Variants in LRRC8B observed in about 807,000 individuals in gnomAD.
LRRC8B encodes volume-regulated anion channel subunit LRRC8B.
Under a neutral mutation model 58.8 loss-of-function variants are expected in LRRC8B, and 23 were observed. The ratio of observed to expected loss-of-function variants is 0.39; its 90% CI spans 0.28 to 0.55. The LOEUF is 0.55. LRRC8B is among the 20% of genes least tolerant of loss of function. The pLI, the probability that LRRC8B is intolerant of heterozygous loss-of-function variation, is 0.62. For missense variants in LRRC8B, 694 were observed against 936.0 expected, an observed-to-expected ratio of 0.74 and a Z score of 3.37; for synonymous variants, 359 against 374.1, an observed-to-expected ratio of 0.96 and a Z score of 0.47.
chr1:89,529,193 A>G (rs747820160), intron 1 of LRRC8B, among the ~76,000 whole-genome samples: 12 of 152,300 alleles, frequency 7.9e-5, no homozygotes, highest in South Asian at 2.1e-4. Flanking sequence ...CTTTCAGTAA[A>G]TCCTGTTTAT....
chr1:89,580,603 T>G (rs755826579), intron 4 of LRRC8B, among the ~76,000 whole-genome samples: 3 of 152,136 alleles, frequency 2.0e-5, no homozygotes, highest in Non-Finnish European at 4.4e-5. Flanking sequence ...TTAGTTTCTG[T>G]CTTACCTCGA....
At chr1:89,547,393 A>G (rs1346869443) in intron 1 of LRRC8B, among the ~76,000 whole-genome samples, 1 of 152,340 alleles carries the variant, frequency 6.6e-6, no homozygotes, top group Non-Finnish European at 1.5e-5. Context: ...AAATAATCCA[A>G]TGAGGGTGAG....
chr1:89,587,437 G>A (rs1020532559), intron 5 of LRRC8B, among the ~76,000 whole-genome samples: 16 of 152,174 alleles, frequency 1.1e-4, no homozygotes, highest in Non-Finnish European at 1.9e-4. Context: ...AGGAAGCTGA[G>A]GCAGAAGAAT....
chr1:89,571,646 A>G (rs1045046090), intron 3 of LRRC8B, among the ~76,000 whole-genome samples: 4 of 152,194 alleles, frequency 2.6e-5, no homozygotes, highest in Non-Finnish European at 5.9e-5. Context: ...AAACAGGGAT[A>G]CTTTGATTTC....
Position 89,583,511 on chromosome 1 carries a change from C to G in LRRC8B, c.861C>G (p.Ile287Met). Residue 287 changes from isoleucine to methionine, a missense_variant, in exon 5 of 6, where the codon ATC becomes ATG. Ile to Met is a conservative substitution (Grantham distance 10, BLOSUM62 1). Transcript: ENST00000330947. This position sits in a 1 kb window ranked among gnomAD's most constrained non-coding sequence, Gnocchi z 5.2. ...TTTTAACCCACATCACTCTTGAAAT[C>G]GACTGTTCAGTTGATGTGCAGGCTT... The part of the protein sequence containing the change: ...PYFLTHITLE[I>M]DCSVDVQAFT... 6.2e-7 allele frequency: 1 copy of G among 1,613,524 alleles called. No individual in the cohort carries two copies. The highest frequency in any genetic ancestry group is 8.5e-7 in the Non-Finnish European group (1 of 1,180,042).
At chr1:89,536,613 G>A (rs1277636919) in intron 1 of LRRC8B, among the ~76,000 whole-genome samples, 1 of 152,076 alleles carries the variant, frequency 6.6e-6, no homozygotes, top group Non-Finnish European at 1.5e-5. Flanking sequence ...CTAGAGGAGG[G>A]GAAATAAGCA....
At chr1:89,580,323 G>A (rs140721861) in intron 4 of LRRC8B, among the ~76,000 whole-genome samples, 205 of 152,292 alleles carry the variant, frequency 1.3e-3, no homozygotes, top group Middle Eastern at 3.4e-3. Flanking sequence ...GATCTCACGA[G>A]GCAGGTACAG....
intron 1 of LRRC8B, among the ~76,000 whole-genome samples, chr1:89,562,352 T>C (rs1054659022): frequency 6.6e-6 from 1 of 152,166 alleles, no homozygotes; most frequent in Non-Finnish European, 1.5e-5. Flanking sequence ...TATTAGTGAA[T>C]TTTGTAAACA....
chr1:89,552,211 A>T (rs1651876619), intron 1 of LRRC8B, among the ~76,000 whole-genome samples: 2 of 152,208 alleles, frequency 1.3e-5, no homozygotes, highest in Admixed American at 1.3e-4. Context: ...TATAATACTA[A>T]GCTTACTCAA....
chr1:89,538,793 T>C (rs1650733152), intron 1 of LRRC8B, among the ~76,000 whole-genome samples: 1 of 152,148 alleles, frequency 6.6e-6, no homozygotes, highest in Admixed American at 6.5e-5. Flanking sequence ...TGATCTCAGC[T>C]CACTGCAACC....
rs929422950 is a variant in LRRC8B at position 89,557,036 on chromosome 1, C to A, written c.-240-11211C>A. Among the ~76,000 whole-genome samples the A allele has an allele frequency of 8.5e-5, 13 of 152,168 alleles. No homozygotes were observed. The South Asian group carries it at 1.0e-3, about 12-fold the overall frequency. On this transcript the variant is annotated intron_variant, in intron 1 of 5. Transcript: ENST00000330947. ...GAGATTGTGCGCATTCTGTTTTTGT[C>A]TTTTTCCAAATCCCCAGTTGACAGA...
intron 5 of LRRC8B, chr1:89,587,902 C>G (rs767416208): frequency 3.3e-5 from 5 of 152,250 alleles, no homozygotes; most frequent in Non-Finnish European, 2.9e-5. Context: ...GAGGACCTTA[C>G]CAGCTCAGAG....
chr1:89,548,982 C>G (rs555029804), intron 1 of LRRC8B, among the ~76,000 whole-genome samples: 3 of 152,196 alleles, frequency 2.0e-5, no homozygotes, highest in African/African-American at 7.2e-5. Flanking sequence ...GAAAAAAGGA[C>G]ATATTAAGTT....
intron 1 of LRRC8B, among the ~76,000 whole-genome samples, chr1:89,544,455 T>C (rs1279078812): frequency 6.6e-6 from 1 of 152,234 alleles, no homozygotes; most frequent in Non-Finnish European, 1.5e-5. Context: ...CAGCTGTTGT[T>C]TTTATCGACT....
chr1:89,530,848 T>C (rs558689668), intron 1 of LRRC8B, among the ~76,000 whole-genome samples: 6 of 152,242 alleles, frequency 3.9e-5, no homozygotes, highest in Non-Finnish European at 8.8e-5. Context: ...ACAGGTGCTT[T>C]GGGAGGTGCC....
In LRRC8B at chr1:89,583,567, A is replaced by C; in HGVS notation, c.917A>C (p.Tyr306Ser). The change falls in exon 5 of 6, where the codon TAT becomes TCT. Residue 306 changes from tyrosine (Y) to serine (S), a missense_variant. By Grantham distance (144) the Tyr-to-Ser change is moderately radical. Coordinates refer to ENST00000330947, the MANE Select transcript of LRRC8B (RefSeq NM_001369817.2). This position sits in a 1 kb window ranked among gnomAD's most constrained non-coding sequence, Gnocchi z 5.2. Reference sequence around the variant, plus strand: ...GGATATAAGCGCTACCAGTGTGTCTATTCCTTGGCAGAAATCTTTAAGGTC... The same window carrying C: ...GGATATAAGCGCTACCAGTGTGTCTCTTCCTTGGCAGAAATCTTTAAGGTC... ...FTGYKRYQCV[Y>S]SLAEIFKVLA... The C allele has an allele frequency of 1.2e-6, 2 of 1,611,358 alleles. No individual in the cohort carries two copies. Among genetic ancestry groups the C allele is most frequent in the Non-Finnish European group, 1.7e-6 (2 of 1,180,026 alleles).
chr1:89,536,428 GAGAT>G (rs929127753), intron 1 of LRRC8B, among the ~76,000 whole-genome samples: 7 of 152,212 alleles, frequency 4.6e-5, no homozygotes, highest in African/African-American at 1.7e-4. Context: ...TATGAAGATT[GAGAT>G]AGATAATTTC....
chr1:89,540,667 G>A (rs1165503463), intron 1 of LRRC8B, among the ~76,000 whole-genome samples: 1 of 152,138 alleles, frequency 6.6e-6, no homozygotes, highest in Admixed American at 6.5e-5. Flanking sequence ...GCTTCCTCAG[G>A]AAGAGCCCAG....
intron 1 of LRRC8B, among the ~76,000 whole-genome samples, chr1:89,555,217 G>C (rs1474599982): frequency 6.6e-6 from 1 of 152,120 alleles, no homozygotes; most frequent in African/African-American, 2.4e-5. Flanking sequence ...CGTTATTTTA[G>C]AAGAACCTTA....
Sources: gnomAD v4.1 joint callset for allele counts (sites outside exome capture counted in the v4.1 genomes callset) on GRCh38, gnomAD v4.1.1 for gene constraint, Gnocchi (gnomAD v3.1) non-coding constraint, MANE v1.5 for transcripts, NCBI Gene and HGNC (gene_info 2026-07-23, HGNC 2026-07-21) for gene names.